The following ZNF600 variants were observed in gnomAD, a reference collection of about 807,000 sequenced individuals.
ZNF600 encodes zinc finger protein KR-ZNF1.
A neutral mutation model predicts 7.3 loss-of-function variants in ZNF600; 4 were observed. The ratio of observed to expected loss-of-function variants is 0.55; its 90% CI spans 0.27 to 1.25. The LOEUF is 1.25. ZNF600 is among the 50% of genes most tolerant of loss of function. The pLI, the probability that ZNF600 is intolerant of heterozygous loss-of-function variation, is 0.12. For synonymous variants in ZNF600, 290 were observed against 308.9 expected, an observed-to-expected ratio of 0.94 and a Z score of 0.64; for missense variants, 911 against 922.1, an observed-to-expected ratio of 0.99 and a Z score of 0.16.
chr19:52,812,362 T>G, the ZNF600 span, among the ~76,000 whole-genome samples: 1 of 141,072 alleles, frequency 7.1e-6, no homozygotes, highest in Non-Finnish European at 1.5e-5. Context: ...AATCGGATGA[T>G]TGCCGGGTCT....
At chr19:52,796,694 C>T in the ZNF600 span, among the ~76,000 whole-genome samples, 1 of 152,104 alleles carries the variant, frequency 6.6e-6, no homozygotes, top group Admixed American at 6.5e-5. Context: ...TCTTGAATAC[C>T]GGGGCTCACA....
chr19:52,833,555 A>G, the ZNF600 span, among the ~76,000 whole-genome samples: 1 of 152,190 alleles, frequency 6.6e-6, no homozygotes, highest in African/African-American at 2.4e-5. Context: ...CCTGAGGAAG[A>G]GCCATGCCTG....
At chr19:52,808,507 CAT>C in the ZNF600 span, among the ~76,000 whole-genome samples, 16 of 151,794 alleles carry the variant, frequency 1.1e-4, no homozygotes, top group African/African-American at 3.4e-4. Flanking sequence ...CACAGTGACA[CAT>C]GTCTGTAATC....
At chr19:52,787,552 G>A (rs2062775606), upstream of ZNF600, among the ~76,000 whole-genome samples, 1 of 150,294 alleles carries the variant, frequency 6.7e-6, no homozygotes, top group African/African-American at 2.4e-5. Flanking sequence ...AACTACAGGA[G>A]CCCGCCTAAC....
the ZNF600 span, chr19:52,798,585 C>T: frequency 2.1e-6 from 1 of 482,216 alleles, no homozygotes. Context: ...AAACGCTTTG[C>T]CACAATCATC....
At chr19:52,791,096 T>G (rs1381918145), upstream of ZNF600, among the ~76,000 whole-genome samples, 1 of 152,248 alleles carries the variant, frequency 6.6e-6, no homozygotes, top group Non-Finnish European at 1.5e-5. Context: ...ATAGGTCTCC[T>G]TTTCCAGAAT....
At chr19:52,810,274 C>A in the ZNF600 span, 1 of 1,423,168 alleles carries the variant, frequency 7.0e-7, no homozygotes, top group Non-Finnish European at 9.9e-7. Context: ...CCAGTGATCA[C>A]GTCCATTGAG....
upstream of ZNF600, among the ~76,000 whole-genome samples, chr19:52,791,158 G>A (rs2062789964): frequency 6.6e-6 from 1 of 152,168 alleles, no homozygotes; most frequent in Non-Finnish European, 1.5e-5. Context: ...TGGTTTCTCT[G>A]ATCTCATCCA....
chr19:52,775,027 G>T (rs1444443768), intron 2 of ZNF600, among the ~76,000 whole-genome samples: 3 of 152,158 alleles, frequency 2.0e-5, no homozygotes, highest in Middle Eastern at 3.4e-3. Context: ...ATTATTTGAT[G>T]TCAAGAGTTC....
chr19:52,814,084 G>A, the ZNF600 span, among the ~76,000 whole-genome samples: 1,512 of 146,372 alleles, frequency 0.01, 263 homozygotes, highest in African/African-American at 0.037. Context: ...GCCTCATAAT[G>A]CTGCAGAAAT....
chr19:52,811,455 C>G, the ZNF600 span, among the ~76,000 whole-genome samples: 9 of 148,520 alleles, frequency 6.1e-5, no homozygotes, highest in South Asian at 8.5e-4. Flanking sequence ...AGGAGCGCCT[C>G]TTCCCCGCCG....
At chr19:52,803,312 C>T in the ZNF600 span, among the ~76,000 whole-genome samples, 1 of 151,844 alleles carries the variant, frequency 6.6e-6, no homozygotes, top group Non-Finnish European at 1.5e-5. Context: ...AACTCCTGAC[C>T]TCAGATGATC....
chr19:52,811,588 T>C, the ZNF600 span, among the ~76,000 whole-genome samples: 3 of 136,916 alleles, frequency 2.2e-5, no homozygotes, highest in East Asian at 2.3e-4. Flanking sequence ...GCCGCAACCC[T>C]GTCTGGGAGG....
At chr19:52,766,701 T>G in exon 4 of ZNF600, 1 of 1,614,174 alleles carries the variant, frequency 6.2e-7, no homozygotes, top group East Asian at 2.2e-5. Flanking sequence ...CTCTCCAGTG[T>G]GAATTCTTTT....
the ZNF600 span, among the ~76,000 whole-genome samples, chr19:52,806,243 G>T: frequency 6.6e-6 from 1 of 151,966 alleles, no homozygotes; most frequent in Non-Finnish European, 1.5e-5. Context: ...TCCCATGCTG[G>T]AGTGCAACGG....
the ZNF600 span, among the ~76,000 whole-genome samples, chr19:52,829,926 T>A: frequency 6.6e-6 from 1 of 152,152 alleles, no homozygotes; most frequent in African/African-American, 2.4e-5. Flanking sequence ...GTTTACAGCC[T>A]GTCATATAAA....
the ZNF600 span, among the ~76,000 whole-genome samples, chr19:52,796,757 T>A: frequency 6.6e-6 from 1 of 152,228 alleles, no homozygotes; most frequent in African/African-American, 2.4e-5. Flanking sequence ...CCTGAGCCAC[T>A]GCATCTGGTC....
intron 1 of ZNF600, 78 bp from the exon 3 acceptor site, chr19:52,781,133 C>T (rs924033047): frequency 1.3e-5 from 2 of 151,006 alleles, no homozygotes; most frequent in South Asian, 2.1e-4. Flanking sequence ...GTCTAATTAC[C>T]CCGTTTTTGT....
the ZNF600 span, chr19:52,810,680 G>C: frequency 2.3e-6 from 2 of 883,214 alleles, no homozygotes; most frequent in Non-Finnish European, 3.9e-6. Context: ...GGCCGGGCTA[G>C]AGCGACATCA....
Sources: allele counts gnomAD v4.1 joint callset (sites outside exome capture counted in the v4.1 genomes callset), GRCh38; gene constraint gnomAD v4.1.1; transcripts MANE v1.5; gene names NCBI Gene and HGNC (gene_info 2026-07-23, HGNC 2026-07-21).